The following MBD3 variants were observed in gnomAD, a reference collection of about 807,000 sequenced individuals.
MBD3 encodes the protein methyl-CpG binding domain protein 3, also known as methyl-CpG-binding domain protein 3.
In MBD3, 13 loss-of-function variants were observed where a neutral mutation model predicts 31.2. The observed-to-expected ratio is 0.42, with a 90% CI of 0.27 to 0.66. The LOEUF (loss-of-function observed/expected upper bound fraction) is 0.66, where lower values mean the gene tolerates loss of function less well. MBD3 is among the 30% of genes least tolerant of loss of function. MBD3 has a pLI of 0.26. For missense variants in MBD3, 440 were observed against 426.5 expected (o/e 1.03, Z -0.28); for synonymous variants, 223 against 187.4 (o/e 1.19, Z -1.55).
rs1235996215 is a variant in MBD3, at chr19:1,585,180, G to A, written c.145C>T (p.Leu49=). The A allele has an allele frequency of 6.2e-7, 1 of 1,604,816 alleles. No individual in the cohort carries two copies. The highest frequency in any genetic ancestry group is 8.5e-7 in the Non-Finnish European group (1 of 1,178,798). The change falls in exon 2 of 7, where the codon CTG becomes TTG. Residue 49 remains leucine, a synonymous_variant. Transcript: ENST00000434436. This position sits in a 1 kb window ranked among gnomAD's most constrained non-coding sequence, Gnocchi z 4.1. The part of the protein sequence containing the change: ...SGKKFRSKPQ[L]ARYLGGSMDL... ...ATGGAGCCGCCCAGGTAGCGCGCCA[G>A]CTGCGGCTTGCTGCGGAACTTCTTC...
rs763027627 is a variant in MBD3 at position 1,584,669 on chromosome 19, G to C, written c.279C>G (p.Pro93=). Residue 93 remains proline (P), a synonymous_variant, in exon 3 of 7, where the codon CCC becomes CCG. Coordinates refer to ENST00000434436, the MANE Select transcript of MBD3 (RefSeq NM_001281453.2). ...GCACGGGCAGCGCCGTGTTCAGGTCGGGCTTGCCCTGCGGGAGGAAGGATA... is the reference window on the plus strand; with the variant it reads ...GCACGGGCAGCGCCGTGTTCAGGTCCGGCTTGCCCTGCGGGAGGAAGGATA... ...YDSSNQVKGK[P]DLNTALPVRQ... is the part of the protein sequence containing the mutation. The C allele has an allele frequency of 7.4e-6, 12 of 1,612,112 alleles. No homozygotes were observed. Among genetic ancestry groups the C allele is most frequent in the Non-Finnish European group, 9.3e-6 (11 of 1,179,716 alleles).
chr19:1,587,508 G>A (rs1266657680), intron 1 of MBD3, among the ~76,000 whole-genome samples: 1 of 151,700 alleles, frequency 6.6e-6, no homozygotes, highest in Admixed American at 6.6e-5. Flanking sequence ...TTGACCTCCT[G>A]GACTCAAGGG....
intron 5 of MBD3, among the ~76,000 whole-genome samples, chr19:1,580,333 T>C (rs910999425): frequency 7.2e-5 from 11 of 152,182 alleles, no homozygotes; most frequent in Non-Finnish European, 1.3e-4. Context: ...CTGTTCACCC[T>C]GTGTGGGGGC....
chr19:1,578,775 C>A lies in MBD3; in HGVS notation c.678-237G>T, dbSNP rs1056404055. Among the ~76,000 whole-genome samples the A allele has an allele frequency of 6.6e-6, 1 of 152,182 alleles. No individual in the cohort carries two copies. The highest frequency in any genetic ancestry group is 2.4e-5 in the African/African-American group (1 of 41,452). On this transcript the variant is annotated intron_variant, in intron 5 of 6. Transcript: ENST00000434436. The surrounding 1 kb of genome is among the most constrained non-coding windows in gnomAD (Gnocchi z 6.1). ...CCAGATGGCCCCCCTGCCACCTCTA[C>A]TGGGACCAAGGGAGGGGCCTGACCC...
chr19:1,579,990 T>C (rs1453596516), intron 5 of MBD3, among the ~76,000 whole-genome samples: 1 of 152,238 alleles, frequency 6.6e-6, no homozygotes, highest in Non-Finnish European at 1.5e-5. Context: ...ACTCCTGACC[T>C]CAGGTGATCC....
chr19:1,591,833 CG>C (rs571215044), intron 1 of MBD3, among the ~76,000 whole-genome samples: 3 of 152,008 alleles, frequency 2.0e-5, no homozygotes, highest in Admixed American at 6.6e-5. Flanking sequence ...AATTTGGGGA[CG>C]GGGGGGTCTC....
At chr19:1,580,243 G>T (rs770746704) in intron 5 of MBD3, among the ~76,000 whole-genome samples, 10 of 152,206 alleles carry the variant, frequency 6.6e-5, no homozygotes, top group Non-Finnish European at 8.8e-5. Flanking sequence ...ACGGCCGGAG[G>T]AGGATGCCGC....
chr19:1,583,554 AAAAT>A (rs1298550340), intron 3 of MBD3, among the ~76,000 whole-genome samples: 1 of 152,016 alleles, frequency 6.6e-6, no homozygotes, highest in Non-Finnish European at 1.5e-5. Flanking sequence ...GGGGGGAAAA[AAAAT>A]AAATAAATAC....
chr19:1,583,112 G>A (rs931948260), intron 3 of MBD3: 6 of 234,124 alleles, frequency 2.6e-5, no homozygotes, highest in Non-Finnish European at 4.4e-5. Context: ...GCTGAGGCAG[G>A]AGAATCACTT....
intron 1 of MBD3, among the ~76,000 whole-genome samples, chr19:1,590,270 C>T (rs746835884): frequency 8.6e-5 from 13 of 152,002 alleles, no homozygotes; most frequent in Non-Finnish European, 1.8e-4. Context: ...TGCACTGTGG[C>T]CTGGGCCAAG....
rs2145598400 is a variant in MBD3, at chr19:1,582,610, G to A, written c.499+12C>T. The A allele has an allele frequency of 6.2e-7, 1 of 1,612,898 alleles. No homozygotes were observed. The highest frequency in any genetic ancestry group is 1.1e-5 in the South Asian group (1 of 90,864). On this transcript the variant is annotated intron_variant, in intron 4 of 6. Coordinates refer to ENST00000434436, the MANE Select transcript of MBD3 (RefSeq NM_001281453.2). ...ACATCCCCTTCCGCCTCCCCTCAGG[G>A]TGCCCGCTCACCCTGCAGGCCCTTG...
chr19:1,592,443 G>T, intron 1 of MBD3, 79 bp downstream of exon 1: 1 of 597,732 alleles, frequency 1.7e-6, no homozygotes. Context: ...CCGCGGCCCG[G>T]GGCAGGGGCG....
chr19:1,584,767 TG>T, intron 2 of MBD3, 90 bp from the exon 3 acceptor site: 1 of 1,363,668 alleles, frequency 7.3e-7, no homozygotes, highest in South Asian at 1.3e-5. Flanking sequence ...CCCCCTGCTT[TG>T]CCGGCGCCCC....
chr19:1,580,235 G>A (rs571765253), intron 5 of MBD3, among the ~76,000 whole-genome samples: 2 of 152,226 alleles, frequency 1.3e-5, no homozygotes, highest in Admixed American at 6.5e-5. Flanking sequence ...GAGGTACCAC[G>A]GCCGGAGGAG....
intron 1 of MBD3, among the ~76,000 whole-genome samples, chr19:1,586,665 C>T (rs1415627795): frequency 1.2e-5 from 1 of 82,222 alleles, no homozygotes; most frequent in East Asian, 3.6e-4. Flanking sequence ...CAAGCCACCA[C>T]GCCTAATTTT....
chr19:1,584,876 C>T, intron 2 of MBD3, 179 bp downstream of exon 2: 1 of 1,061,820 alleles, frequency 9.4e-7, no homozygotes, highest in Non-Finnish European at 1.3e-6. Context: ...CGGGCCGCGT[C>T]CTCGCCATGC....
At chr19:1,587,611 C>T (rs995846962) in intron 1 of MBD3, among the ~76,000 whole-genome samples, 13 of 152,106 alleles carry the variant, frequency 8.5e-5, no homozygotes, top group African/African-American at 1.2e-4. Flanking sequence ...GATGGGGACT[C>T]GCTATGTTGC....
At position 1,585,226 on chromosome 19, in the gene MBD3, C is replaced by A. The variant is rs377431933; in HGVS notation, c.111-12G>T. ...TCTTCCCGCTCGGGCTGCGGGGAGGCGGGACGGTCGGCGCCCCGGGCGGAC... is the reference window on the plus strand; with the variant it reads ...TCTTCCCGCTCGGGCTGCGGGGAGGAGGGACGGTCGGCGCCCCGGGCGGAC... On this transcript the variant is annotated splice_polypyrimidine_tract_variant and intron_variant, in intron 1 of 6. Transcript: ENST00000434436. The surrounding 1 kb of genome is among the most constrained non-coding windows in gnomAD (Gnocchi z 4.1). 1.5e-5 allele frequency: 24 copies of A among 1,575,708 alleles called. No individual in the cohort carries two copies. Among genetic ancestry groups the A allele is most frequent in the Non-Finnish European group, 2.1e-5 (24 of 1,167,932 alleles).
At position 1,585,045 on chromosome 19, in the gene MBD3, C is replaced by T; in HGVS notation, c.270+10G>A. 1.9e-6 allele frequency: 3 copies of T among 1,610,908 alleles called. No homozygotes were observed. The highest frequency in any genetic ancestry group is 2.5e-6 in the Non-Finnish European group (3 of 1,179,266). ...CGCGCCGACGTCACCTGCGTGACGC[C>T]ACCACTCACCTTGACCTGGTTGGAG... is the stretch of plus-strand genomic sequence containing the variant. On this transcript the variant is annotated intron_variant, in intron 2 of 6. Transcript: ENST00000434436. The surrounding 1 kb of genome is among the most constrained non-coding windows in gnomAD (Gnocchi z 4.1).
Sources: gnomAD v4.1 joint callset for allele counts (sites outside exome capture counted in the v4.1 genomes callset) on GRCh38, gnomAD v4.1.1 for gene constraint, Gnocchi (gnomAD v3.1) non-coding constraint, MANE v1.5 for transcripts, NCBI Gene and HGNC (gene_info 2026-07-23, HGNC 2026-07-21) for gene names.